The following ZNF654 variants were observed in gnomAD, a reference collection of about 807,000 sequenced individuals.
ZNF654 encodes the protein melanoma-associated antigen.
Under a neutral mutation model 95.3 loss-of-function variants are expected in ZNF654, and 19 were observed. The ratio of observed to expected loss-of-function variants is 0.20; its 90% CI spans 0.14 to 0.29. ZNF654 has a LOEUF of 0.29. Among genes scored for constraint, ZNF654 ranks in the 10% least tolerant of loss-of-function variants. The pLI is 1.00. For missense variants in ZNF654, 1,046 were observed against 1,341.0 expected (o/e 0.78, Z 3.44); for synonymous variants, 413 against 457.9 (o/e 0.90, Z 1.25).
chr3:88,095,733 G>A, intron 2 of ZNF654: 2 of 388,812 alleles, frequency 5.1e-6, no homozygotes, highest in Non-Finnish European at 4.9e-6. Context: ...CTTCTCCCCA[G>A]GCTTGTTATT....
intron 7 of ZNF654, 127 bp from the exon 8 acceptor site, chr3:88,138,578 A>C (rs1257802678): frequency 2.0e-6 from 1 of 504,366 alleles, no homozygotes; most frequent in African/African-American, 2.0e-5. Flanking sequence ...CTAAATATGG[A>C]AAATTGGACA....
intron 2 of ZNF654, among the ~76,000 whole-genome samples, chr3:88,111,225 T>C (rs1207198096): frequency 6.6e-6 from 1 of 152,034 alleles, no homozygotes; most frequent in Non-Finnish European, 1.5e-5. Flanking sequence ...GCTTGTTTTA[T>C]ACTTATTAAT....
At chr3:88,075,213 A>T (rs141342587) in intron 1 of ZNF654, among the ~76,000 whole-genome samples, 1 of 152,312 alleles carries the variant, frequency 6.6e-6, no homozygotes, top group African/African-American at 2.4e-5. Context: ...GAGTGGCACC[A>T]CTTCTACTAG....
chr3:88,061,034 CTTTTA>C (rs1706851367), intron 1 of ZNF654, among the ~76,000 whole-genome samples: 1 of 152,030 alleles, frequency 6.6e-6, no homozygotes, highest in African/African-American at 2.4e-5. Context: ...TTGGCATTCA[CTTTTA>C]TTTTGATAAT....
At chr3:88,073,403 A>C (rs1707625146) in intron 1 of ZNF654, among the ~76,000 whole-genome samples, 1 of 152,248 alleles carries the variant, frequency 6.6e-6, no homozygotes. Context: ...AGGCAAAGTC[A>C]TGCCATTATT....
intron 2 of ZNF654, among the ~76,000 whole-genome samples, chr3:88,108,674 T>A (rs1158159587): frequency 6.6e-6 from 1 of 152,182 alleles, no homozygotes; most frequent in Non-Finnish European, 1.5e-5. Context: ...GGTTATCAGA[T>A]CAACTATCAT....
rs1187880889 is a variant in ZNF654 at position 88,082,743 on chromosome 3, AAC to A, written c.187-3512_187-3511del. 2.0e-5 allele frequency among the ~76,000 whole-genome samples: 3 copies of A among 152,202 alleles called. No homozygotes were observed. In the East Asian group the frequency reaches 5.8e-4, roughly 29 times the overall value. ...ACAAAAAAGGAGAGCTCAATTAAGA[AAC>A]AGATACTCATATTTTAGTTGATCAC... On this transcript the variant is annotated intron_variant, in intron 1 of 8. Coordinates refer to ENST00000636215, the MANE Select transcript of ZNF654 (RefSeq NM_001350134.2).
intron 3 of ZNF654, among the ~76,000 whole-genome samples, chr3:88,119,086 G>A (rs1300500467): frequency 1.5e-4 from 22 of 149,448 alleles, no homozygotes; most frequent in African/African-American, 4.7e-4. Context: ...ACATGCACAC[G>A]TATGTTTACT....
At position 88,117,044 on chromosome 3, in the gene ZNF654, T is replaced by C. The variant is rs149332225; in HGVS notation, c.414+3848T>C. On this transcript the variant is annotated intron_variant, in intron 3 of 8. Transcript: ENST00000636215. Reference sequence around the variant, plus strand: ...TTTTGCTGAGGTTGAGTTTATAATATCTTCCATGAATATAAGTGAAATTGC... The same window carrying C: ...TTTTGCTGAGGTTGAGTTTATAATACCTTCCATGAATATAAGTGAAATTGC... Among the ~76,000 whole-genome samples, 4 of 152,250 alleles carry C rather than the reference T, an allele frequency of 2.6e-5. No homozygotes were observed. In the East Asian group the frequency reaches 7.7e-4, roughly 29 times the overall value.
At position 88,140,963 on chromosome 3, in the gene ZNF654, C is replaced by T; in HGVS notation, c.3294C>T (p.Thr1098=). 6.2e-7 allele frequency: 1 copy of T among 1,613,380 alleles called. No homozygotes were observed. Among genetic ancestry groups the T allele is most frequent in the Non-Finnish European group, 8.5e-7 (1 of 1,179,540 alleles). ...GATTAAGATGTGGCAAATGCCTGAC[C>T]ACCTACTGTAATGCAGAAGCACTTG... ...VKRLRCGKCL[T]TYCNAEALEA... Residue 1098 remains threonine (T), a synonymous_variant, in exon 8 of 9, where the codon ACC becomes ACT. Coordinates refer to ENST00000636215, the MANE Select transcript of ZNF654 (RefSeq NM_001350134.2).
chr3:88,086,544 C>A lies in ZNF654; in HGVS notation c.332+142C>A, dbSNP rs193063040. ...TGTTTATTTTTTTCACTGAAGTATTCAGGTTTAATTTTGAACATGTAACCA... is the reference window on the plus strand; with the variant it reads ...TGTTTATTTTTTTCACTGAAGTATTAAGGTTTAATTTTGAACATGTAACCA... On this transcript the variant is annotated intron_variant, in intron 2 of 8. Transcript: ENST00000636215. 6.5e-5 allele frequency: 50 copies of A among 767,792 alleles called. No homozygotes were observed. In the East Asian group the frequency reaches 1.4e-3, roughly 22 times the overall value. 47.6% of individuals were successfully genotyped at this position (767,792 alleles called of 1,614,324 possible).
At chr3:88,136,656 T>C (rs960980366) in intron 7 of ZNF654, among the ~76,000 whole-genome samples, 1 of 152,074 alleles carries the variant, frequency 6.6e-6, no homozygotes, top group East Asian at 1.9e-4. Flanking sequence ...CAGAGAAATA[T>C]GGGGAAGTGG....
At chr3:88,131,838 C>T (rs1024439273) in intron 6 of ZNF654, among the ~76,000 whole-genome samples, 3 of 151,956 alleles carry the variant, frequency 2.0e-5, no homozygotes, top group African/African-American at 7.3e-5. Context: ...ATTTGATGAG[C>T]AGGATTTTTT....
At chr3:88,075,864 T>G (rs1315431935) in intron 1 of ZNF654, among the ~76,000 whole-genome samples, 1 of 152,162 alleles carries the variant, frequency 6.6e-6, no homozygotes, top group Admixed American at 6.5e-5. Flanking sequence ...GCATTCAATA[T>G]CAAGCAAATT....
chr3:88,141,421 T>G lies in ZNF654; in HGVS notation c.3380-224T>G, dbSNP rs147459968. ...ATTTTGATGGGAATTATTTTTCATATGCATTCCAGAATATAAATCAAGTGA... is the reference window on the plus strand; with the variant it reads ...ATTTTGATGGGAATTATTTTTCATAGGCATTCCAGAATATAAATCAAGTGA... On this transcript the variant is annotated intron_variant, in intron 8 of 8. Transcript: ENST00000636215. Among the ~76,000 whole-genome samples, 401 of 152,196 alleles carry G rather than the reference T, an allele frequency of 2.6e-3. 1 individual carries two copies. Among genetic ancestry groups the G allele is most frequent in the African/African-American group, 9.4e-3 (390 of 41,548 alleles).
intron 1 of ZNF654, among the ~76,000 whole-genome samples, chr3:88,077,922 T>G (rs1308919131): frequency 6.6e-6 from 1 of 152,192 alleles, no homozygotes; most frequent in Non-Finnish European, 1.5e-5. Context: ...CAAAGCCCCT[T>G]GTTTTGTATA....
intron 1 of ZNF654, among the ~76,000 whole-genome samples, chr3:88,085,389 T>C (rs1291359134): frequency 2.0e-5 from 3 of 152,232 alleles, no homozygotes; most frequent in African/African-American, 7.2e-5. Flanking sequence ...GATATTGAAA[T>C]TTGAATTTCA....
At chr3:88,128,445 TA>T (rs1706249702) in intron 4 of ZNF654, among the ~76,000 whole-genome samples, 2 of 152,192 alleles carry the variant, frequency 1.3e-5, no homozygotes, top group South Asian at 4.1e-4. Flanking sequence ...TATTGAGCAG[TA>T]AGAAGATAAA....
In ZNF654 at chr3:88,059,570, C is replaced by G. The variant is rs889083315; in HGVS notation, c.186+65C>G. 3 of 1,443,328 alleles carry G rather than the reference C, an allele frequency of 2.1e-6. No individual in the cohort carries two copies. In the African/African-American group the frequency reaches 4.3e-5, roughly 21 times the overall value. The allele number at this position is 1,443,328 out of a possible 1,614,324, so 89.4% of individuals were successfully genotyped here. A position where few individuals can be genotyped will look rare whatever the true frequency, so the allele number is the denominator to read the frequency against. ...CCTGGGCCTCTCTGCGTCTCCTGGT[C>G]TTCTCGTCCATGAATCTGGTCTATG... On this transcript the variant is annotated intron_variant, in intron 1 of 8. Coordinates refer to ENST00000636215, the MANE Select transcript of ZNF654 (RefSeq NM_001350134.2).
Sources: gnomAD v4.1 joint callset for allele counts (sites outside exome capture counted in the v4.1 genomes callset) on GRCh38, gnomAD v4.1.1 for gene constraint, MANE v1.5 for transcripts, NCBI Gene and HGNC (gene_info 2026-07-23, HGNC 2026-07-21) for gene names.